DNAH2: variants seen among roughly 807,000 people sequenced by gnomAD.
DNAH2 encodes the protein dynein axonemal heavy chain 2.
DNAH2 carries 323 observed loss-of-function variants against 523.5 expected under a neutral mutation model. The ratio of observed to expected loss-of-function variants is 0.62; its 90% confidence interval spans 0.56 to 0.68. The LOEUF (loss-of-function observed/expected upper bound fraction) is 0.68, where lower values mean the gene tolerates loss of function less well. Ranked by LOEUF, DNAH2 falls within the 30% of genes least tolerant of loss-of-function variation. The probability of loss-of-function intolerance (pLI) is 0.00; values close to 1 mark genes in which losing one functional copy is unlikely to be tolerated. For synonymous variants in DNAH2, 2,093 were observed against 2,177.4 expected (o/e 0.96, Z 1.08); for missense variants, 4,907 against 5,701.5 (o/e 0.86, Z 4.49).
intron 63 of DNAH2, among the ~76,000 whole-genome samples, chr17:7,810,470 C>G (rs997098587): frequency 6.6e-6 from 1 of 152,190 alleles, no homozygotes. Context: ...CTCGCTGTAA[C>G]TTCTGCCTCC....
Position 7,778,479 on chromosome 17 carries a change from C to A in DNAH2, c.5541+10C>A. 1 of 1,592,784 alleles carries A rather than the reference C, an allele frequency of 6.3e-7. No individual in the cohort carries two copies. Among genetic ancestry groups the A allele is most frequent in the Non-Finnish European group, 8.6e-7 (1 of 1,167,900 alleles). On this transcript the variant is annotated intron_variant, in intron 35 of 85. Coordinates refer to ENST00000572933, the MANE Select transcript of DNAH2 (RefSeq NM_020877.5). The stretch of plus-strand genomic sequence containing the variant: ...CTCAGGTCTGGCCCAGGTCAGTATC[C>A]TGCCACCCTGTGCCAGAAGCCCCTT...
intron 31 of DNAH2, 93 bp downstream of exon 31, chr17:7,776,242 G>C: frequency 6.9e-7 from 1 of 1,447,486 alleles, no homozygotes; most frequent in East Asian, 2.6e-5. Flanking sequence ...GAGGTGGGCA[G>C]ATCACTTGAG....
At chr17:7,741,291 T>TTTCTTTC (rs1567624798) in intron 11 of DNAH2, among the ~76,000 whole-genome samples, 19 of 53,154 alleles carry the variant, frequency 3.6e-4, no homozygotes, top group Non-Finnish European at 4.9e-4. Flanking sequence ...TCTTTCTTTC[T>TTTCTTTC]TTCTTCCTTC....
intron 18 of DNAH2, among the ~76,000 whole-genome samples, chr17:7,763,622 A>G (rs755006287): frequency 6.6e-6 from 1 of 152,322 alleles, no homozygotes. Flanking sequence ...TTTGACTGCT[A>G]TCTTATAGCC....
At chr17:7,801,287 G>T (rs1007613059) in intron 56 of DNAH2, among the ~76,000 whole-genome samples, 12 of 152,066 alleles carry the variant, frequency 7.9e-5, no homozygotes, top group Non-Finnish European at 1.5e-4. Context: ...TAGTCAGCAT[G>T]TATTATTATT....
chr17:7,818,085 T>C lies in DNAH2; in HGVS notation c.10376T>C (p.Val3459Ala), dbSNP rs1482617127. The C allele has an allele frequency of 5.0e-6, 8 of 1,611,716 alleles. No homozygotes were observed. Among genetic ancestry groups the C allele is most frequent in the Non-Finnish European group, 6.8e-6 (8 of 1,180,026 alleles). Residue 3459 changes from valine to alanine, a missense_variant, in exon 68 of 86, where the codon GTA becomes GCA. Val to Ala is a moderately conservative substitution (Grantham distance 64, BLOSUM62 0). Coordinates refer to ENST00000572933, the MANE Select transcript of DNAH2 (RefSeq NM_020877.5). Reference protein sequence around the residue: ...PTLNPMLNKSVARIGGRLLMR... With the variant: ...PTLNPMLNKSAARIGGRLLMR... ...CTGAACCCCATGCTCAACAAATCTG[T>C]AGCCCGAATCGGTCAGGACAAGTCC...
At position 7,749,308 on chromosome 17, in the gene DNAH2, C is replaced by CAAAAAAAAAAAAAAAAAAAAAAAAA. The variant is rs57660603; in HGVS notation, c.1904+6182_1904+6206dup. Among the ~76,000 whole-genome samples, 45 of 17,766 alleles carry CAAAAAAAAAAAAAAAAAAAAAAAAA rather than the reference C, an allele frequency of 2.5e-3. 21 individuals carry two copies. The highest frequency in any genetic ancestry group is 3.0e-3 in the African/African-American group (6 of 1,968). The allele number at this position is 17,766 out of a possible 152,430, so 11.7% of individuals were successfully genotyped here. On this transcript the variant is annotated intron_variant, in intron 12 of 85. Transcript: ENST00000572933. The stretch of plus-strand genomic sequence containing the variant: ...GGGCAACAAGAGCTAAACTCCCCCC[C>CAAAAAAAAAAAAAAAAAAAAAAAAA]AAAAAAAAAAAAAAAAAAAAAAAAA...
chr17:7,775,886 C>T (rs778520784), intron 30 of DNAH2, 138 bp from the exon 31 acceptor site: 19 of 1,174,802 alleles, frequency 1.6e-5, no homozygotes, highest in Admixed American at 2.4e-5. Context: ...CTCTCAGGAA[C>T]GCAAGCCAGC....
rs2077839591 is a variant in DNAH2, at chr17:7,821,105, C to G, written c.11016-138C>G. 1 of 1,211,784 alleles carries G rather than the reference C, an allele frequency of 8.3e-7. No individual in the cohort carries two copies. The highest frequency in any genetic ancestry group is 1.1e-6 in the Non-Finnish European group (1 of 891,138). The allele number at this position is 1,211,784 out of a possible 1,614,324, so 75.1% of individuals were successfully genotyped here. On this transcript the variant is annotated intron_variant, in intron 72 of 85. Transcript: ENST00000572933. The surrounding 1 kb of genome is among the most constrained non-coding windows in gnomAD (Gnocchi z 5.0). ...TGTGTCTAGGCCCCTGAGTCCTCAG[C>G]TGTTTCCAGGAGGTTAGGATTAGAG...
In DNAH2 at chr17:7,833,655, T is replaced by C. The variant is rs1305645263; in HGVS notation, c.*122T>C. 7.3e-7 allele frequency: 1 copy of C among 1,378,128 alleles called. No homozygotes were observed. The highest frequency in any genetic ancestry group is 1.0e-6 in the Non-Finnish European group (1 of 995,560). 85.4% of individuals were successfully genotyped at this position (1,378,128 alleles called of 1,614,324 possible). On this transcript the variant is annotated 3_prime_UTR_variant, in exon 86 of 86. Coordinates refer to ENST00000572933, the MANE Select transcript of DNAH2 (RefSeq NM_020877.5). ...TTTGACCTTGGCCGAATTTGTGTGA[T>C]GTGGCCCTGGAGATACCTAGTTGTG...
chr17:7,813,273 G>A (rs1442610475), intron 63 of DNAH2, among the ~76,000 whole-genome samples: 2 of 151,286 alleles, frequency 1.3e-5, no homozygotes, highest in Non-Finnish European at 3.0e-5. Context: ...TTTGGTGGGG[G>A]GCATAGAGAC....
At chr17:7,815,388 G>A (rs181578721) in intron 63 of DNAH2, among the ~76,000 whole-genome samples, 6 of 152,344 alleles carry the variant, frequency 3.9e-5, no homozygotes, top group African/African-American at 7.2e-5. Flanking sequence ...AACATGTATC[G>A]TGTAAATGCT....
At position 7,797,520 on chromosome 17, in the gene DNAH2, T is replaced by C; in HGVS notation, c.8070T>C (p.Pro2690=). 5 of 1,614,196 alleles carry C rather than the reference T, an allele frequency of 3.1e-6. No homozygotes were observed. Among genetic ancestry groups the C allele is most frequent in the Non-Finnish European group, 4.2e-6 (5 of 1,180,030 alleles). The change falls in exon 52 of 86, where the codon CCT becomes CCC. Residue 2690 remains proline (P), a synonymous_variant. Coordinates refer to ENST00000572933, the MANE Select transcript of DNAH2 (RefSeq NM_020877.5). ...TFHHLCPSKR[P]PIFGDFLKEP... is the part of the protein sequence containing the mutation. ...ATCATCTCTGTCCCAGCAAGCGTCCTCCTATCTTTGGTGAGCCAGGAGCTG... is the reference window on the plus strand; with the variant it reads ...ATCATCTCTGTCCCAGCAAGCGTCCCCCTATCTTTGGTGAGCCAGGAGCTG...
At position 7,833,609 on chromosome 17, in the gene DNAH2, G is replaced by C; in HGVS notation, c.*76G>C. 1 of 1,592,138 alleles carries C rather than the reference G, an allele frequency of 6.3e-7. No individual in the cohort carries two copies. The highest frequency in any genetic ancestry group is 1.1e-5 in the South Asian group (1 of 90,080). On this transcript the variant is annotated 3_prime_UTR_variant, in exon 86 of 86. Transcript: ENST00000572933. Reference sequence around the variant, plus strand: ...TAAGACAGATGTTGCACCTAGGACTGAGGCCGGACCTCACTCAGACTTTGA... The same window carrying C: ...TAAGACAGATGTTGCACCTAGGACTCAGGCCGGACCTCACTCAGACTTTGA...
At position 7,798,260 on chromosome 17, in the gene DNAH2, C is replaced by T; in HGVS notation, c.8334C>T (p.Ile2778=). Residue 2778 remains isoleucine (I), a synonymous_variant, in exon 54 of 86, where the codon ATC becomes ATT. Coordinates refer to ENST00000572933, the MANE Select transcript of DNAH2 (RefSeq NM_020877.5). This position sits in a 1 kb window ranked among gnomAD's most constrained non-coding sequence, Gnocchi z 5.5. ...RQSLARLASS[I]CDYTTFQIEV... is the part of the protein sequence containing the mutation. ...GTCTGGCCCGCCTGGCTTCATCCAT[C>T]TGCGACTACACCACCTTCCAGATCG... The T allele has an allele frequency of 6.2e-7, 1 of 1,613,964 alleles. No individual in the cohort carries two copies. Among genetic ancestry groups the T allele is most frequent in the Non-Finnish European group, 8.5e-7 (1 of 1,179,854 alleles).
chr17:7,768,793 G>A (rs547345686), intron 24 of DNAH2, among the ~76,000 whole-genome samples: 1 of 152,302 alleles, frequency 6.6e-6, no homozygotes, highest in East Asian at 1.9e-4. Context: ...GTGCGATCAT[G>A]CGGTGTTTGT....
At position 7,766,429 on chromosome 17, in the gene DNAH2, G is replaced by A. The variant is rs771897578; in HGVS notation, c.3623G>A (p.Gly1208Asp). The change falls in exon 22 of 86, where the codon GGC becomes GAC. Residue 1208 changes from glycine to aspartate, a missense_variant. Physicochemically the swap from Gly to Asp is moderately conservative, Grantham distance 94 (BLOSUM62 -1). Around this residue, in one of 3 missense-constraint regions of DNAH2, gnomAD observed 2,806 missense variants for 3,190.8 expected, o/e 0.88. Transcript: ENST00000572933. The stretch of plus-strand genomic sequence containing the variant: ...GAAAATAGTCTCCGAGCCAACCTGG[G>A]CATCTTCAAGATCGAGCAGCCACCC... The part of the protein sequence containing the change: ...EEENSLRANL[G>D]IFKIEQPPSK... 3.1e-6 allele frequency: 5 copies of A among 1,613,844 alleles called. No individual in the cohort carries two copies. The highest frequency in any genetic ancestry group is 3.3e-4 in the Middle Eastern group (2 of 6,082).
rs371754345 is a variant in DNAH2, at chr17:7,770,525, T to C, written c.4099-32T>C. The C allele has an allele frequency of 6.7e-4, 1,073 of 1,613,440 alleles. 2 individuals carry two copies. Among genetic ancestry groups the C allele is most frequent in the Non-Finnish European group, 8.5e-4 (999 of 1,179,388 alleles). Reference sequence around the variant, plus strand: ...CTGTTCCCCTTAGTGAAGAGATACCTGACTGCTGTGTCCCCCAATTTCTCT... The same window carrying C: ...CTGTTCCCCTTAGTGAAGAGATACCCGACTGCTGTGTCCCCCAATTTCTCT... On this transcript the variant is annotated intron_variant, in intron 25 of 85. Coordinates refer to ENST00000572933, the MANE Select transcript of DNAH2 (RefSeq NM_020877.5).
chr17:7,764,306 C>T (rs1257810148), intron 20 of DNAH2, 33 bp downstream of exon 20: 1 of 1,567,624 alleles, frequency 6.4e-7, no homozygotes, highest in South Asian at 1.2e-5. Flanking sequence ...TTACCTGGGA[C>T]CCGTATCAGC....
Sources: gnomAD v4.1 joint callset for allele counts (sites outside exome capture counted in the v4.1 genomes callset) on GRCh38, gnomAD v4.1.1 for gene constraint, gnomAD v4.1.1 regional missense constraint, Gnocchi (gnomAD v3.1) non-coding constraint, MANE v1.5 for transcripts, NCBI Gene and HGNC (gene_info 2026-07-23, HGNC 2026-07-21) for gene names.